The following FRMPD1 variants were observed in gnomAD, a reference collection of about 807,000 sequenced individuals.
FRMPD1 encodes the protein FERM and PDZ domain-containing protein 1.
In FRMPD1, 76 loss-of-function variants were observed where a neutral mutation model predicts 117.8. The ratio of observed to expected loss-of-function variants is 0.65; its 90% CI spans 0.54 to 0.78. The LOEUF (loss-of-function observed/expected upper bound fraction) is 0.78, where lower values mean the gene tolerates loss of function less well. Among genes scored for constraint, FRMPD1 ranks in the 30% least tolerant of loss-of-function variants. The pLI, the probability that FRMPD1 is intolerant of heterozygous loss-of-function variation, is 0.00. For synonymous variants in FRMPD1, 783 were observed against 770.4 expected, an observed-to-expected ratio of 1.02 and a Z score of -0.27; for missense variants, 1,786 against 1,964.5, an observed-to-expected ratio of 0.91 and a Z score of 1.72.
At chr9:37,717,481 G>C (rs959069558) in intron 5 of FRMPD1, among the ~76,000 whole-genome samples, 1 of 150,790 alleles carries the variant, frequency 6.6e-6, no homozygotes, top group African/African-American at 2.4e-5. Context: ...CTGGATTCAA[G>C]CAATTCTCCT....
In FRMPD1 at chr9:37,740,338, G is replaced by A; in HGVS notation, c.1810G>A (p.Gly604Ser). 6.2e-7 allele frequency: 1 copy of A among 1,613,742 alleles called. No homozygotes were observed. Among genetic ancestry groups the A allele is most frequent in the Non-Finnish European group, 8.5e-7 (1 of 1,180,022 alleles). The change falls in exon 15 of 16, where the codon GGC (glycine) becomes AGC (serine). Residue 604 changes from glycine (G) to serine (S), a missense_variant. Physicochemically the swap from Gly to Ser is moderately conservative, Grantham distance 56. Transcript: ENST00000377765. This position sits in a 1 kb window ranked among gnomAD's most constrained non-coding sequence, Gnocchi z 4.2. ...TGAGAGCCGCGGCTACAGGACCAGTGGCTCGAGTGAGTCCATGGACGCTCT... is the reference window on the plus strand; with the variant it reads ...TGAGAGCCGCGGCTACAGGACCAGTAGCTCGAGTGAGTCCATGGACGCTCT... ...NTESRGYRTS[G>S]SSESMDALEE...
intron 5 of FRMPD1, among the ~76,000 whole-genome samples, chr9:37,712,394 C>T (rs7039767): frequency 0.22 from 33,689 of 152,104 alleles, 4,097 homozygotes; most frequent in East Asian, 0.32. Flanking sequence ...TCACTCCCGT[C>T]GTGCAGACTG....
At chr9:37,734,166 G>A (rs1038652404) in intron 12 of FRMPD1, among the ~76,000 whole-genome samples, 1 of 152,174 alleles carries the variant, frequency 6.6e-6, no homozygotes, top group Non-Finnish European at 1.5e-5. Context: ...TTCAGGGTAA[G>A]TATAGGGAGG....
At chr9:37,611,281 G>A in the FRMPD1 span, among the ~76,000 whole-genome samples, 3 of 152,182 alleles carry the variant, frequency 2.0e-5, no homozygotes, top group African/African-American at 7.2e-5. Context: ...TGAGTTCACA[G>A]ACCCTGAAAT....
At chr9:37,712,232 A>G (rs566332452) in intron 5 of FRMPD1, among the ~76,000 whole-genome samples, 1 of 152,254 alleles carries the variant, frequency 6.6e-6, no homozygotes, top group Non-Finnish European at 1.5e-5. Flanking sequence ...TAAAAATTCA[A>G]TTAAAAACCA....
In FRMPD1 at chr9:37,746,354, G is replaced by C; in HGVS notation, c.4322G>C (p.Gly1441Ala). ...CAAGACATTTTAGAAACTTCCTGGG[G>C]GGTTGGAAACAAACATCCCCCAGAG... ...ELQDILETSW[G>A]VGNKHPPEKC... is the part of the protein sequence containing the mutation. The change falls in exon 16 of 16, where the codon GGG (glycine) becomes GCG (alanine). Residue 1441 changes from glycine to alanine, a missense_variant. Transcript: ENST00000377765. 6.2e-7 allele frequency: 1 copy of C among 1,612,614 alleles called. No homozygotes were observed. Among genetic ancestry groups the C allele is most frequent in the South Asian group, 1.1e-5 (1 of 91,010 alleles).
intron 15 of FRMPD1, among the ~76,000 whole-genome samples, chr9:37,741,229 G>A (rs1423455482): frequency 6.6e-6 from 1 of 151,942 alleles, no homozygotes; most frequent in East Asian, 1.9e-4. Flanking sequence ...AGAGCGAAGT[G>A]GCTATGTCAT....
chr9:37,637,136 T>C, the FRMPD1 span: 44 of 1,608,696 alleles, frequency 2.7e-5, no homozygotes, highest in Admixed American at 6.3e-4. Context: ...AGTTTTGCCA[T>C]CCAGCTCGAT....
At chr9:37,654,785 G>A (rs913227705) in intron 1 of FRMPD1, among the ~76,000 whole-genome samples, 6 of 152,164 alleles carry the variant, frequency 3.9e-5, no homozygotes, top group African/African-American at 1.4e-4. Flanking sequence ...CACAGTTATC[G>A]GGGAGACTCA....
intron 14 of FRMPD1, among the ~76,000 whole-genome samples, chr9:37,739,021 G>T (rs1824259517): frequency 6.6e-6 from 1 of 152,098 alleles, no homozygotes; most frequent in Non-Finnish European, 1.5e-5. Flanking sequence ...GGGAGATGGT[G>T]AAAAGAGATA....
At chr9:37,650,274 G>A (rs1588898101), upstream of FRMPD1, among the ~76,000 whole-genome samples, 3 of 152,296 alleles carry the variant, frequency 2.0e-5, no homozygotes, top group East Asian at 5.8e-4. Context: ...TGGGTGAGAC[G>A]GCTCAGGGGG....
chr9:37,706,217 G>T (rs554806666), intron 2 of FRMPD1, among the ~76,000 whole-genome samples: 1 of 152,204 alleles, frequency 6.6e-6, no homozygotes, highest in Non-Finnish European at 1.5e-5. Flanking sequence ...GCCTGGGGGG[G>T]ATCCTTGGTG....
chr9:37,729,186 C>T (rs999740501), intron 7 of FRMPD1, among the ~76,000 whole-genome samples: 2 of 151,562 alleles, frequency 1.3e-5, no homozygotes, highest in African/African-American at 2.4e-5. Flanking sequence ...AGTTCAAGAC[C>T]AGCCTGGCCA....
intron 1 of FRMPD1, among the ~76,000 whole-genome samples, chr9:37,654,937 C>T (rs960179467): frequency 6.6e-6 from 1 of 152,158 alleles, no homozygotes; most frequent in Non-Finnish European, 1.5e-5. Flanking sequence ...GCTACAACTT[C>T]GGGGACATTG....
chr9:37,618,590 A>G, the FRMPD1 span, among the ~76,000 whole-genome samples: 1 of 152,158 alleles, frequency 6.6e-6, no homozygotes, highest in East Asian at 1.9e-4. Flanking sequence ...AATACCTTAC[A>G]AGTATTGAAA....
upstream of FRMPD1, among the ~76,000 whole-genome samples, chr9:37,650,721 G>A (rs1820641152): frequency 6.6e-6 from 1 of 152,138 alleles, no homozygotes; most frequent in South Asian, 2.1e-4. Flanking sequence ...TGCCCCGGCG[G>A]TGAGCTGAGG....
chr9:37,657,896 C>T (rs578183372), intron 1 of FRMPD1, among the ~76,000 whole-genome samples: 47 of 152,088 alleles, frequency 3.1e-4, no homozygotes, highest in African/African-American at 1.0e-3. Flanking sequence ...TACCAACCCC[C>T]ACCACCTTCC....
At chr9:37,685,236 T>C (rs1821879487) in intron 1 of FRMPD1, among the ~76,000 whole-genome samples, 1 of 152,266 alleles carries the variant, frequency 6.6e-6, no homozygotes, top group South Asian at 2.1e-4. Flanking sequence ...AGGATGATTC[T>C]TTAATCTTTG....
chr9:37,684,041 G>A (rs1282469636), intron 1 of FRMPD1, among the ~76,000 whole-genome samples: 7 of 146,980 alleles, frequency 4.8e-5, no homozygotes, highest in Non-Finnish European at 7.5e-5. Context: ...TAAAGTTGGC[G>A]GGTAGGCAGG....
Sources: gnomAD v4.1 joint callset for allele counts (sites outside exome capture counted in the v4.1 genomes callset) on GRCh38, gnomAD v4.1.1 for gene constraint, Gnocchi (gnomAD v3.1) non-coding constraint, MANE v1.5 for transcripts, NCBI Gene and HGNC (gene_info 2026-07-23, HGNC 2026-07-21) for gene names.